FBXL17: variants seen among roughly 807,000 people sequenced by gnomAD.
FBXL17 encodes F-box/LRR-repeat protein 17.
In FBXL17, 22 loss-of-function variants were observed where a neutral mutation model predicts 66.2. The observed-to-expected ratio is 0.33, with a 90% CI of 0.24 to 0.47. The LOEUF is 0.47. Ranked by LOEUF, FBXL17 falls within the 20% of genes least tolerant of loss-of-function variation. The pLI is 1.00. For synonymous variants in FBXL17, 474 were observed against 400.5 expected, an observed-to-expected ratio of 1.18 and a Z score of -2.19; for missense variants, 878 against 948.2, an observed-to-expected ratio of 0.93 and a Z score of 0.97.
intron 6 of FBXL17, among the ~76,000 whole-genome samples, chr5:108,163,029 T>C (rs555860342): frequency 6.6e-6 from 1 of 152,314 alleles, no homozygotes; most frequent in African/African-American, 2.4e-5. Context: ...GATCAAACTC[T>C]TATATTACAA....
chr5:108,085,473 C>T (rs1397564002), intron 6 of FBXL17, among the ~76,000 whole-genome samples: 4 of 152,200 alleles, frequency 2.6e-5, no homozygotes, highest in Admixed American at 2.6e-4. Context: ...GAATAGATGG[C>T]TGAGCGTAGG....
intron 7 of FBXL17, among the ~76,000 whole-genome samples, chr5:107,914,394 C>T (rs184924866): frequency 1.3e-5 from 2 of 152,334 alleles, no homozygotes; most frequent in Admixed American, 1.3e-4. Context: ...CTTTCCCCAA[C>T]TCATTTCAGC....
chr5:108,036,887 A>C (rs1746862686), intron 6 of FBXL17, among the ~76,000 whole-genome samples: 1 of 152,182 alleles, frequency 6.6e-6, no homozygotes, highest in South Asian at 2.1e-4. Flanking sequence ...ATATTTCAAC[A>C]AAGTAGGGCA....
rs1748047830 is a variant in FBXL17, at chr5:107,859,040, T to C, written c.*2680A>G. 1.3e-5 allele frequency: 2 copies of C among 152,182 alleles called. No homozygotes were observed. The highest frequency in any genetic ancestry group is 2.1e-4 in the South Asian group (1 of 4,828). 9.4% of individuals were successfully genotyped at this position (152,182 alleles called of 1,614,324 possible). A position where few individuals can be genotyped will look rare whatever the true frequency, so the allele number is the denominator to read the frequency against. On this transcript the variant is annotated 3_prime_UTR_variant, in exon 9 of 9. Transcript: ENST00000542267. ...ATAAAACAAAAGACACAGTGTTTTG[T>C]TTCTCTTTTATTGCAACCCACTGCA...
intron 5 of FBXL17, among the ~76,000 whole-genome samples, chr5:108,199,015 T>G (rs1753787367): frequency 6.6e-6 from 1 of 152,152 alleles, no homozygotes; most frequent in African/African-American, 2.4e-5. Flanking sequence ...AACAAAGAAA[T>G]GTCCAACTGT....
At chr5:108,236,175 A>C (rs1284751695) in intron 4 of FBXL17, among the ~76,000 whole-genome samples, 1 of 152,078 alleles carries the variant, frequency 6.6e-6, no homozygotes, top group Middle Eastern at 3.4e-3. Context: ...ATACTGCTGC[A>C]CTCCAGCCTG....
chr5:108,076,653 T>C (rs158416), intron 6 of FBXL17, among the ~76,000 whole-genome samples: 6,823 of 152,272 alleles, frequency 0.045, 528 homozygotes, highest in African/African-American at 0.15. Context: ...CTTGCAAAGC[T>C]ACCTTAAGTA....
intron 4 of FBXL17, among the ~76,000 whole-genome samples, chr5:108,317,788 G>C (rs1759439308): frequency 6.6e-6 from 1 of 151,346 alleles, no homozygotes; most frequent in Non-Finnish European, 1.5e-5. Flanking sequence ...AATTTCTGCA[G>C]TCAAATGGAA....
In FBXL17 at chr5:107,999,497, TACA is replaced by T. The variant is rs1753631803; in HGVS notation, c.1822+21425_1822+21427del. ...CACACACACACACCACACACACACA[TACA>T]AATTTTTAAAGTCAAATACTACAAC... is the stretch of plus-strand genomic sequence containing the variant. On this transcript the variant is annotated intron_variant, in intron 7 of 8. Coordinates refer to ENST00000542267, the MANE Select transcript of FBXL17 (RefSeq NM_001163315.3). Among the ~76,000 whole-genome samples, 5 of 134,282 alleles carry T rather than the reference TACA, an allele frequency of 3.7e-5. No individual in the cohort carries two copies. The Admixed American group carries it at 3.8e-4, about 10-fold the overall frequency. 88.1% of individuals were successfully genotyped at this position (134,282 alleles called of 152,430 possible). A position where few individuals can be genotyped will look rare whatever the true frequency, so the allele number is the denominator to read the frequency against.
chr5:107,979,598 C>T (rs1217747480), intron 7 of FBXL17, among the ~76,000 whole-genome samples: 1 of 152,176 alleles, frequency 6.6e-6, no homozygotes, highest in South Asian at 2.1e-4. Context: ...TGACTTCCGG[C>T]GCTGGTTCTC....
At chr5:108,022,174 C>T (rs940620136) in intron 6 of FBXL17, among the ~76,000 whole-genome samples, 18 of 151,524 alleles carry the variant, frequency 1.2e-4, no homozygotes, top group Non-Finnish European at 2.2e-4. Flanking sequence ...TCAGAATAAC[C>T]GAATAAACAT....
chr5:108,312,573 C>A (rs973493020), intron 4 of FBXL17, among the ~76,000 whole-genome samples: 3 of 151,836 alleles, frequency 2.0e-5, no homozygotes, highest in Non-Finnish European at 2.9e-5. Flanking sequence ...TTGAAAAGCA[C>A]CTTAAAACCA....
intron 8 of FBXL17, among the ~76,000 whole-genome samples, chr5:107,869,665 C>T (rs1748385825): frequency 6.6e-6 from 1 of 152,152 alleles, no homozygotes; most frequent in African/African-American, 2.4e-5. Context: ...TCGCATGTCC[C>T]TGTTTGGGTG....
intron 6 of FBXL17, among the ~76,000 whole-genome samples, chr5:108,116,459 G>C (rs1396684257): frequency 6.7e-6 from 1 of 149,094 alleles, no homozygotes; most frequent in Admixed American, 6.7e-5. Context: ...CCAACATGGT[G>C]AAACCCTGTC....
chr5:107,878,961 G>A (rs1748697088), intron 8 of FBXL17: 1 of 985,470 alleles, frequency 1.0e-6, no homozygotes, highest in Non-Finnish European at 1.2e-6. Flanking sequence ...TTCAGAGGCA[G>A]CCCAGGAAAA....
intron 4 of FBXL17, among the ~76,000 whole-genome samples, chr5:108,232,355 T>C (rs1755382533): frequency 6.6e-6 from 1 of 152,142 alleles, no homozygotes; most frequent in Admixed American, 6.6e-5. Context: ...TTGAATATTA[T>C]GTATGATCTC....
At chr5:108,018,437 A>T (rs570704724) in intron 7 of FBXL17, among the ~76,000 whole-genome samples, 3 of 152,250 alleles carry the variant, frequency 2.0e-5, no homozygotes, top group African/African-American at 7.2e-5. Flanking sequence ...CCTCTTTGAC[A>T]AAAATTACTC....
intron 6 of FBXL17, among the ~76,000 whole-genome samples, chr5:108,152,389 TTCTA>T (rs1450519106): frequency 6.6e-6 from 1 of 152,206 alleles, no homozygotes; most frequent in Non-Finnish European, 1.5e-5. Context: ...TTGTGGATCT[TTCTA>T]TATAGTCAAT....
intron 7 of FBXL17, among the ~76,000 whole-genome samples, chr5:107,994,438 T>C (rs995704688): frequency 6.6e-6 from 1 of 152,164 alleles, no homozygotes; most frequent in Non-Finnish European, 1.5e-5. Flanking sequence ...CTCCCTCTTC[T>C]TTGAGGCCAC....
Sources: allele counts gnomAD v4.1 joint callset (sites outside exome capture counted in the v4.1 genomes callset), GRCh38; gene constraint gnomAD v4.1.1; transcripts MANE v1.5; gene names NCBI Gene and HGNC (gene_info 2026-07-23, HGNC 2026-07-21).